CCDC81: variants seen among roughly 807,000 people sequenced by gnomAD.
The protein encoded by CCDC81 is coiled-coil domain-containing protein 81.
CCDC81 carries 79 observed loss-of-function variants against 83.7 expected under a neutral mutation model. The ratio of observed to expected loss-of-function variants is 0.94; its 90% CI spans 0.79 to 1.14. CCDC81 has a LOEUF of 1.14. Ranked by LOEUF, CCDC81 falls within the 50% of genes most tolerant of loss-of-function variation. The pLI is 0.00. For missense variants in CCDC81, 791 were observed against 778.1 expected (o/e 1.02, Z -0.20); for synonymous variants, 252 against 278.1 (o/e 0.91, Z 0.93).
chr11:86,390,543 G>T (rs1480691124), intron 3 of CCDC81, among the ~76,000 whole-genome samples: 1 of 152,164 alleles, frequency 6.6e-6, no homozygotes, highest in East Asian at 1.9e-4. Context: ...AATTTAGAAA[G>T]ATACTCTTTC....
rs139671106 is a variant in CCDC81 at position 86,405,687 on chromosome 11, G to C, written c.882-1927G>C. Among the ~76,000 whole-genome samples the C allele has an allele frequency of 3.2e-3, 487 of 151,464 alleles. 4 individuals carry two copies. Among genetic ancestry groups the C allele is most frequent in the African/African-American group, 0.011 (474 of 41,348 alleles). ...AACTTTTGTTCCAATTTGGTTTTAA[G>C]TGTTAAAACATTTTGTATTATTTTA... On this transcript the variant is annotated intron_variant, in intron 7 of 14. Coordinates refer to ENST00000445632, the MANE Select transcript of CCDC81 (RefSeq NM_001156474.2).
At chr11:86,384,393 C>G (rs1948213241) in intron 1 of CCDC81, among the ~76,000 whole-genome samples, 1 of 152,016 alleles carries the variant, frequency 6.6e-6, no homozygotes, top group Non-Finnish European at 1.5e-5. Flanking sequence ...TAATGAGGGG[C>G]AGAATCTTGG....
chr11:86,408,065 G>A, intron 8 of CCDC81, 62 bp from the exon 9 acceptor site: 2 of 1,542,238 alleles, frequency 1.3e-6, no homozygotes, highest in Non-Finnish European at 1.8e-6. Context: ...GCTTGTGAAG[G>A]GAATGCGAAA....
chr11:86,386,024 T>A, intron 1 of CCDC81, 27 bp from the exon 2 acceptor site: 1 of 1,326,788 alleles, frequency 7.5e-7, no homozygotes, highest in South Asian at 1.3e-5. Context: ...ATAAATTGAA[T>A]AATTTCTGGT....
intron 14 of CCDC81, among the ~76,000 whole-genome samples, chr11:86,421,056 G>A (rs1331910808): frequency 2.6e-5 from 4 of 152,170 alleles, no homozygotes; most frequent in Non-Finnish European, 5.9e-5. Context: ...TGAGTGGCAG[G>A]CTAACAAATC....
intron 6 of CCDC81, among the ~76,000 whole-genome samples, chr11:86,398,958 T>TGC (rs1948446261): frequency 6.6e-6 from 1 of 152,208 alleles, no homozygotes; most frequent in African/African-American, 2.4e-5. Context: ...AGCAGATTGT[T>TGC]GCTTTGCGGA....
At chr11:86,410,221 A>G (rs1413492409) in intron 10 of CCDC81, among the ~76,000 whole-genome samples, 1 of 151,926 alleles carries the variant, frequency 6.6e-6, no homozygotes, top group African/African-American at 2.4e-5. Context: ...TTTATATATC[A>G]CCATCTAGGT....
chr11:86,385,970 AT>A, intron 1 of CCDC81, 80 bp from the exon 2 acceptor site: 2 of 668,182 alleles, frequency 3.0e-6, no homozygotes, highest in Non-Finnish European at 5.3e-6. Context: ...TCATATTTAC[AT>A]TTTTATTTAT....
At chr11:86,398,004 C>T (rs192164230) in intron 6 of CCDC81, among the ~76,000 whole-genome samples, 62 of 152,146 alleles carry the variant, frequency 4.1e-4, no homozygotes, top group Admixed American at 2.9e-3. Flanking sequence ...CATGTGCCAC[C>T]ATGCCTGGTT....
intron 14 of CCDC81, among the ~76,000 whole-genome samples, chr11:86,421,473 C>T (rs148290359): frequency 0.011 from 1,602 of 152,270 alleles, 13 homozygotes; most frequent in Non-Finnish European, 0.016. Flanking sequence ...CCAGGCCTGG[C>T]TAATTTTTTG....
chr11:86,378,918 G>T (rs1327471595), intron 1 of CCDC81, among the ~76,000 whole-genome samples: 1 of 151,972 alleles, frequency 6.6e-6, no homozygotes, highest in Non-Finnish European at 1.5e-5. Flanking sequence ...GTCCACTCCA[G>T]CAATCTTTGT....
chr11:86,379,697 C>T (rs1479858621), intron 1 of CCDC81, among the ~76,000 whole-genome samples: 1 of 152,086 alleles, frequency 6.6e-6, no homozygotes, highest in Non-Finnish European at 1.5e-5. Context: ...TAAAAATAGG[C>T]CAGGTGCAGT....
At chr11:86,378,394 G>A (rs1948127927) in intron 1 of CCDC81, among the ~76,000 whole-genome samples, 2 of 152,132 alleles carry the variant, frequency 1.3e-5, no homozygotes, top group South Asian at 4.1e-4. Context: ...CCAGAACATG[G>A]TCTGTCTTGG....
In CCDC81 at chr11:86,422,624, G is replaced by C; in HGVS notation, c.1868G>C (p.Cys623Ser). The change falls in exon 15 of 15, where the codon TGC (cysteine) becomes TCC (serine). Residue 623 changes from cysteine to serine, a missense_variant. Physicochemically the swap from Cys to Ser is moderately radical, Grantham distance 112 (BLOSUM62 -1). Coordinates refer to ENST00000445632, the MANE Select transcript of CCDC81 (RefSeq NM_001156474.2). Reference sequence around the variant, plus strand: ...GACCAGTGTGAGAAGTATCGGCGCTGCAAGCAATGCCAGAGGCGCACCTCC... The same window carrying C: ...GACCAGTGTGAGAAGTATCGGCGCTCCAAGCAATGCCAGAGGCGCACCTCC... ...LLDQCEKYRR[C>S]KQCQRRTSNV... 1 of 1,614,034 alleles carries C rather than the reference G, an allele frequency of 6.2e-7. No homozygotes were observed.
chr11:86,396,761 T>C (rs1948414670), intron 5 of CCDC81, among the ~76,000 whole-genome samples: 2 of 152,202 alleles, frequency 1.3e-5, no homozygotes, highest in African/African-American at 2.4e-5. Context: ...GTTCTTTCCA[T>C]TGCACCATAT....
intron 13 of CCDC81, among the ~76,000 whole-genome samples, chr11:86,416,807 T>C (rs1948725846): frequency 6.6e-6 from 1 of 152,206 alleles, no homozygotes; most frequent in Non-Finnish European, 1.5e-5. Flanking sequence ...CAGATTGTCT[T>C]GTGACTCATA....
intron 1 of CCDC81, among the ~76,000 whole-genome samples, chr11:86,379,492 T>A (rs1385080255): frequency 6.6e-6 from 1 of 152,216 alleles, no homozygotes; most frequent in African/African-American, 2.4e-5. Flanking sequence ...CTGTACCACT[T>A]CACAGGTAGT....
At chr11:86,421,320 T>TC (rs1290479177) in intron 14 of CCDC81, among the ~76,000 whole-genome samples, 4 of 152,148 alleles carry the variant, frequency 2.6e-5, no homozygotes, top group Non-Finnish European at 5.9e-5. Flanking sequence ...GATAATCCTT[T>TC]TTTTTTTGAG....
At position 86,412,422 on chromosome 11, in the gene CCDC81, T is replaced by C. The variant is rs11234644; in HGVS notation, c.1254T>C (p.Pro418=). ...SFLFDKRPLS[P]ALNALKQEEY... is the part of the protein sequence containing the mutation. ...TATTTGACAAACGGCCACTCAGTCC[T>C]GCGCTTAATGCTCTTAAGCAAGAGG... The change falls in exon 11 of 15, where the codon CCT becomes CCC. Residue 418 remains proline (P), a synonymous_variant. Coordinates refer to ENST00000445632, the MANE Select transcript of CCDC81 (RefSeq NM_001156474.2). 92,490 of 1,612,436 alleles carry C rather than the reference T, an allele frequency of 0.057. 3,174 individuals are homozygous for C. The highest frequency in any genetic ancestry group is 0.066 in the Non-Finnish European group (77,742 of 1,179,232).
Sources: allele counts gnomAD v4.1 joint callset (sites outside exome capture counted in the v4.1 genomes callset), GRCh38; gene constraint gnomAD v4.1.1; transcripts MANE v1.5; gene names NCBI Gene and HGNC (gene_info 2026-07-23, HGNC 2026-07-21).